Variants in LGSN observed in about 807,000 individuals in gnomAD.
LGSN encodes the protein lengsin.
In LGSN, 21 loss-of-function variants were observed where a neutral mutation model predicts 19.5. That is an observed-to-expected ratio of 1.07 (90% confidence interval 0.76 to 1.55). The LOEUF (loss-of-function observed/expected upper bound fraction) is 1.55, where lower values mean the gene tolerates loss of function less well. LGSN is among the 40% of genes most tolerant of loss of function. The pLI, the probability that LGSN is intolerant of heterozygous loss-of-function variation, is 0.00. For missense variants in LGSN, 673 were observed against 608.5 expected (o/e 1.11, Z -1.12); for synonymous variants, 257 against 215.6 (o/e 1.19, Z -1.68).
chr6:63,303,317 A>G (rs1348817597), intron 1 of LGSN, among the ~76,000 whole-genome samples: 1 of 152,242 alleles, frequency 6.6e-6, no homozygotes, highest in Non-Finnish European at 1.5e-5. Flanking sequence ...GGCTAATGCA[A>G]TAACAATAGC....
chr6:63,302,001 ACT>A (rs1016383972), intron 1 of LGSN, among the ~76,000 whole-genome samples: 3 of 152,132 alleles, frequency 2.0e-5, no homozygotes, highest in African/African-American at 7.2e-5. Context: ...TCTAAAATTA[ACT>A]CTTTTTTCCT....
the LGSN span, among the ~76,000 whole-genome samples, chr6:63,345,844 G>T: frequency 6.6e-6 from 1 of 152,030 alleles, no homozygotes; most frequent in Non-Finnish European, 1.5e-5. Context: ...AACACTCTTT[G>T]GTCCAATATC....
At chr6:63,382,340 G>A in the LGSN span, among the ~76,000 whole-genome samples, 2 of 152,098 alleles carry the variant, frequency 1.3e-5, no homozygotes, top group Admixed American at 6.5e-5. Flanking sequence ...ATGTCTTTAT[G>A]CATCCTTTTA....
the LGSN span, among the ~76,000 whole-genome samples, chr6:63,485,212 G>T: frequency 1.3e-5 from 2 of 152,012 alleles, no homozygotes; most frequent in East Asian, 3.9e-4. Context: ...ATAGGCCCCA[G>T]TGTGTGTTGT....
the LGSN span, among the ~76,000 whole-genome samples, chr6:63,417,658 C>G: frequency 6.6e-5 from 10 of 152,084 alleles, no homozygotes; most frequent in Non-Finnish European, 1.3e-4. Context: ...ACCAAGATTG[C>G]TTTAAAATAA....
chr6:63,444,437 T>C, the LGSN span, among the ~76,000 whole-genome samples: 1 of 152,210 alleles, frequency 6.6e-6, no homozygotes, highest in Non-Finnish European at 1.5e-5. Context: ...AGAAGACTGT[T>C]ACACAAGTGG....
At chr6:63,423,891 T>C in the LGSN span, among the ~76,000 whole-genome samples, 1 of 151,886 alleles carries the variant, frequency 6.6e-6, no homozygotes, top group Non-Finnish European at 1.5e-5. Flanking sequence ...TACAAAAAAA[T>C]TAGCCGGGCA....
the LGSN span, among the ~76,000 whole-genome samples, chr6:63,373,950 G>T: frequency 6.6e-6 from 1 of 152,098 alleles, no homozygotes; most frequent in Non-Finnish European, 1.5e-5. Context: ...AAAAAGGCCA[G>T]GGTGGGGTGG....
the LGSN span, among the ~76,000 whole-genome samples, chr6:63,452,227 T>C: frequency 1.3e-5 from 2 of 152,096 alleles, no homozygotes; most frequent in African/African-American, 2.4e-5. Flanking sequence ...GAGTTTTCTT[T>C]GTTGGTTTTT....
chr6:63,424,309 C>T, the LGSN span, among the ~76,000 whole-genome samples: 10 of 152,082 alleles, frequency 6.6e-5, no homozygotes, highest in Admixed American at 5.9e-4. Context: ...TCCCTATAAC[C>T]ATTAAGGAAA....
At chr6:63,479,015 G>C in the LGSN span, among the ~76,000 whole-genome samples, 3 of 152,198 alleles carry the variant, frequency 2.0e-5, no homozygotes, top group African/African-American at 7.2e-5. Context: ...TCTCAGAAGA[G>C]CCAAGAAACA....
chr6:63,482,865 T>C, the LGSN span, among the ~76,000 whole-genome samples: 1 of 152,102 alleles, frequency 6.6e-6, no homozygotes, highest in Non-Finnish European at 1.5e-5. Context: ...CATGCCCTGC[T>C]AACTTTTGTA....
chr6:63,282,461 G>A (rs1767356667), intron 3 of LGSN, among the ~76,000 whole-genome samples: 1 of 152,156 alleles, frequency 6.6e-6, no homozygotes. Context: ...TGTCTGGTGA[G>A]GGCTGCTTTC....
the LGSN span, among the ~76,000 whole-genome samples, chr6:63,421,478 C>T: frequency 6.6e-6 from 1 of 151,540 alleles, no homozygotes; most frequent in Admixed American, 6.6e-5. Flanking sequence ...GCCTGTAATC[C>T]CAGCACTTTG....
At chr6:63,350,047 C>A in the LGSN span, among the ~76,000 whole-genome samples, 6 of 152,196 alleles carry the variant, frequency 3.9e-5, no homozygotes, top group Non-Finnish European at 5.9e-5. Context: ...ATTCATTCAA[C>A]AAGGAAAAGT....
the LGSN span, among the ~76,000 whole-genome samples, chr6:63,381,509 T>TAATATC: frequency 6.6e-6 from 1 of 152,228 alleles, no homozygotes; most frequent in Non-Finnish European, 1.5e-5. Flanking sequence ...TTATGAAAAG[T>TAATATC]AATATCAAAC....
chr6:63,361,585 C>T, the LGSN span, among the ~76,000 whole-genome samples: 2 of 152,168 alleles, frequency 1.3e-5, no homozygotes, highest in African/African-American at 2.4e-5. Context: ...AAGGGAATTC[C>T]CTGACCCCTT....
At chr6:63,430,164 T>C in the LGSN span, among the ~76,000 whole-genome samples, 2 of 152,166 alleles carry the variant, frequency 1.3e-5, no homozygotes, top group Non-Finnish European at 2.9e-5. Context: ...TCCTTGTTCC[T>C]TCCCATTGTC....
At chr6:63,390,370 T>A in the LGSN span, among the ~76,000 whole-genome samples, 2 of 151,614 alleles carry the variant, frequency 1.3e-5, no homozygotes, top group East Asian at 3.9e-4. Context: ...CCTCAGGTGA[T>A]CCACCTGCCT....
Sources: gnomAD v4.1 joint callset for allele counts (sites outside exome capture counted in the v4.1 genomes callset) on GRCh38, gnomAD v4.1.1 for gene constraint, MANE v1.5 for transcripts, NCBI Gene and HGNC (gene_info 2026-07-23, HGNC 2026-07-21) for gene names.